Variants in PCDH11X observed in about 807,000 individuals in gnomAD.
PCDH11X encodes the protein protocadherin-11 X-linked.
A neutral mutation model predicts 53.3 loss-of-function variants in PCDH11X; 18 were observed. That is an observed-to-expected ratio of 0.34 (90% CI 0.23 to 0.50). The LOEUF is 0.50. Among genes scored for constraint, PCDH11X ranks in the 20% least tolerant of loss-of-function variants. The pLI is 0.98. For synonymous variants in PCDH11X, 279 were observed against 393.3 expected (o/e 0.71, Z 3.44); for missense variants, 570 against 1,032.4 (o/e 0.55, Z 6.14).
At chrX:91,938,509 A>G (rs2061471688) in intron 6 of PCDH11X, among the ~76,000 whole-genome samples, 1 of 107,084 alleles carries the variant, frequency 9.3e-6, no homozygotes, top group Non-Finnish European at 1.9e-5. Flanking sequence ...AGATGGTTAG[A>G]ATTTCTGGAG....
chrX:91,866,167 A>T (rs932146226), intron 5 of PCDH11X, among the ~76,000 whole-genome samples: 24 of 110,496 alleles, frequency 2.2e-4, no homozygotes, highest in Non-Finnish European at 2.1e-4. Flanking sequence ...CCCTAAGTAG[A>T]AGAAAGGTGT....
At chrX:91,981,086 T>G (rs1372529095) in intron 6 of PCDH11X, among the ~76,000 whole-genome samples, 1 of 104,040 alleles carries the variant, frequency 9.6e-6, no homozygotes, top group Non-Finnish European at 1.9e-5. Flanking sequence ...TGAATATATA[T>G]ATACACTGAA....
In PCDH11X at chrX:92,618,498, T is replaced by A; in HGVS notation, c.3602T>A (p.Val1201Glu). 1 of 1,211,414 alleles carries A rather than the reference T, an allele frequency of 8.3e-7. No individual in the cohort carries two copies. The highest frequency in any genetic ancestry group is 1.1e-6 in the Non-Finnish European group (1 of 895,327). The change falls in exon 11 of 11, where the codon GTG becomes GAG. Residue 1201 changes from valine (V) to glutamate (E), a missense_variant. Coordinates refer to ENST00000682573, the MANE Select transcript of PCDH11X (RefSeq NM_032968.5). ...ATTGCTCTCTGCCACAGCCCTCCAG[T>A]GACACAGACCATCGCATTGTGCCAC... is the stretch of plus-strand genomic sequence containing the variant. ...QTIALCHSPP[V>E]TQTIALCHSP...
rs1291732210 is a variant in PCDH11X at position 92,618,605 on chromosome X, T to C, written c.3709T>C (p.Ser1237Pro). 4 of 1,211,337 alleles carry C rather than the reference T, an allele frequency of 3.3e-6. No homozygotes were observed. Among genetic ancestry groups the C allele is most frequent in the Non-Finnish European group, 4.5e-6 (4 of 895,320 alleles). Residue 1237 changes from serine to proline, a missense_variant, in exon 11 of 11, where the codon TCA (serine) becomes CCA (proline). Transcript: ENST00000682573. ...TACTGCACTTCACCACAGCCCACCATCAGCACAGGCCTCAGCCCTCTGCTA... is the reference window on the plus strand; with the variant it reads ...TACTGCACTTCACCACAGCCCACCACCAGCACAGGCCTCAGCCCTCTGCTA... ...QATALHHSPPSAQASALCYSP... is the reference protein window; with the variant it reads ...QATALHHSPPPAQASALCYSP...
chrX:92,432,753 G>A (rs1009968822), intron 9 of PCDH11X, among the ~76,000 whole-genome samples: 17 of 106,225 alleles, frequency 1.6e-4, no homozygotes, highest in African/African-American at 5.1e-4. Context: ...TATATTGATA[G>A]CATCATTACA....
chrX:92,381,454 A>G (rs1383710245), intron 8 of PCDH11X, among the ~76,000 whole-genome samples: 1 of 112,066 alleles, frequency 8.9e-6, no homozygotes, highest in Non-Finnish European at 1.9e-5. Flanking sequence ...AATTGCTAGC[A>G]TACTAGCCGA....
At chrX:92,274,314 G>A (rs995931872) in intron 8 of PCDH11X, among the ~76,000 whole-genome samples, 10 of 107,871 alleles carry the variant, frequency 9.3e-5, no homozygotes, top group African/African-American at 3.6e-4. Flanking sequence ...TCTTGTAGAC[G>A]GAGGACGGTA....
chrX:92,002,522 A>G (rs1433753454), intron 6 of PCDH11X, among the ~76,000 whole-genome samples: 3 of 98,982 alleles, frequency 3.0e-5, no homozygotes, highest in African/African-American at 1.1e-4. Flanking sequence ...CATTCTTCCA[A>G]TCCATGAAAA....
intron 4 of PCDH11X, among the ~76,000 whole-genome samples, chrX:91,813,514 G>C (rs1354327566): frequency 6.4e-4 from 67 of 104,111 alleles, no homozygotes; most frequent in Non-Finnish European, 1.0e-3. Flanking sequence ...GGCTGAAGAG[G>C]AGAGGTCATG....
intron 8 of PCDH11X, among the ~76,000 whole-genome samples, chrX:92,293,849 C>A (rs1286502749): frequency 9.3e-6 from 1 of 107,362 alleles, no homozygotes; most frequent in African/African-American, 3.5e-5. Context: ...TCAAGATGCG[C>A]TGAAGGAGAT....
intron 6 of PCDH11X, among the ~76,000 whole-genome samples, chrX:91,968,464 G>A (rs993675442): frequency 3.6e-5 from 4 of 110,907 alleles, no homozygotes; most frequent in African/African-American, 1.3e-4. Flanking sequence ...AACGTCTCAT[G>A]GCTAGTTTGT....
intron 10 of PCDH11X, among the ~76,000 whole-genome samples, chrX:92,547,644 G>A (rs1386040723): frequency 9.0e-6 from 1 of 110,568 alleles, no homozygotes; most frequent in African/African-American, 3.3e-5. Context: ...TTTTCCTGTC[G>A]AGGCCTTTAA....
chrX:92,390,943 C>T (rs779862279), intron 9 of PCDH11X, among the ~76,000 whole-genome samples: 1 of 109,793 alleles, frequency 9.1e-6, no homozygotes, highest in Non-Finnish European at 1.9e-5. Context: ...ATTAACTTTT[C>T]TTTTTAAAAT....
At chrX:92,481,507 T>A (rs1409155871) in intron 10 of PCDH11X, among the ~76,000 whole-genome samples, 1 of 109,455 alleles carries the variant, frequency 9.1e-6, no homozygotes, top group Non-Finnish European at 1.9e-5. Context: ...AGTCCACCAG[T>A]GCAGGAGCTA....
chrX:91,975,764 T>G (rs1395251704), intron 6 of PCDH11X, among the ~76,000 whole-genome samples: 2 of 110,723 alleles, frequency 1.8e-5, no homozygotes, highest in African/African-American at 6.6e-5. Flanking sequence ...TCAAGTAAGA[T>G]GAGGAAATTG....
chrX:92,082,114 G>A (rs1337372741), intron 6 of PCDH11X, among the ~76,000 whole-genome samples: 3 of 111,227 alleles, frequency 2.7e-5, no homozygotes, highest in African/African-American at 9.8e-5. Flanking sequence ...AGCCAAGACC[G>A]AAACCCAGGC....
chrX:91,930,960 A>C (rs1486438306), intron 6 of PCDH11X, among the ~76,000 whole-genome samples: 2 of 110,119 alleles, frequency 1.8e-5, no homozygotes, highest in African/African-American at 6.6e-5. Flanking sequence ...GTTAGTTTTA[A>C]TAGATTAGAT....
At chrX:92,171,679 C>T (rs1256617908) in intron 6 of PCDH11X, among the ~76,000 whole-genome samples, 5 of 110,748 alleles carry the variant, frequency 4.5e-5, no homozygotes, top group Admixed American at 2.9e-4. Context: ...AAGCTGGTCT[C>T]GAACTCCTGA....
In PCDH11X at chrX:92,148,028, C is replaced by T. The variant is rs1255406307; in HGVS notation, c.3034-53347C>T. ...TTCTTTTTCTTTCCTTCCTTCCTTC[C>T]TTTCCTTCTTTCCCTTCCTTCCTTC... is the stretch of plus-strand genomic sequence containing the variant. On this transcript the variant is annotated intron_variant, in intron 6 of 10. Coordinates refer to ENST00000682573, the MANE Select transcript of PCDH11X (RefSeq NM_032968.5). Among the ~76,000 whole-genome samples the T allele has an allele frequency of 2.4e-4, 17 of 71,429 alleles. 1 individual carries two copies. Among genetic ancestry groups the T allele is most frequent in the African/African-American group, 9.9e-4 (14 of 14,127 alleles). The allele number at this position is 71,429 out of a possible 115,157, so 62.0% of individuals were successfully genotyped here.
Sources: gnomAD v4.1 joint callset for allele counts (sites outside exome capture counted in the v4.1 genomes callset) on GRCh38, gnomAD v4.1.1 for gene constraint, MANE v1.5 for transcripts, NCBI Gene and HGNC (gene_info 2026-07-23, HGNC 2026-07-21) for gene names.